ZBTB20: variants seen among roughly 807,000 people sequenced by gnomAD.
ZBTB20 encodes the protein zinc finger and BTB domain-containing protein 20.
Under a neutral mutation model 56.9 loss-of-function variants are expected in ZBTB20, and 9 were observed. The observed-to-expected ratio is 0.16, with a 90% CI of 0.10 to 0.28. The LOEUF is 0.28. Among genes scored for constraint, ZBTB20 ranks in the 10% least tolerant of loss-of-function variants. The probability of loss-of-function intolerance (pLI) is 1.00; values close to 1 mark genes in which losing one functional copy is unlikely to be tolerated. For synonymous variants in ZBTB20, 417 were observed against 420.7 expected, an observed-to-expected ratio of 0.99 and a Z score of 0.11; for missense variants, 655 against 1,003.0, an observed-to-expected ratio of 0.65 and a Z score of 4.69.
At chr3:114,765,633 T>G (rs953221340) in intron 5 of ZBTB20, among the ~76,000 whole-genome samples, 2 of 152,182 alleles carry the variant, frequency 1.3e-5, no homozygotes, top group Non-Finnish European at 1.5e-5. Flanking sequence ...TATTCTATTA[T>G]GGCAGCCCTA....
At chr3:115,001,715 AAAC>A (rs2079258609) in intron 2 of ZBTB20, among the ~76,000 whole-genome samples, 1 of 151,526 alleles carries the variant, frequency 6.6e-6, no homozygotes, top group Non-Finnish European at 1.5e-5. Flanking sequence ...ATTATGAAGA[AAAC>A]TACAAAACTC....
intron 1 of ZBTB20, among the ~76,000 whole-genome samples, chr3:115,114,517 G>A (rs566164242): frequency 1.6e-4 from 24 of 152,018 alleles, no homozygotes; most frequent in Non-Finnish European, 2.8e-4. Flanking sequence ...GAGGTGTAGC[G>A]TTTTATTTTT....
intron 3 of ZBTB20, among the ~76,000 whole-genome samples, chr3:114,957,665 T>C (rs954005573): frequency 1.3e-5 from 2 of 152,202 alleles, no homozygotes; most frequent in Non-Finnish European, 1.5e-5. Flanking sequence ...TGAATTCCAG[T>C]AGTGCTTCCT....
At chr3:114,389,779 C>A (rs1447938083) in intron 7 of ZBTB20, among the ~76,000 whole-genome samples, 1 of 149,752 alleles carries the variant, frequency 6.7e-6, no homozygotes, top group Non-Finnish European at 1.5e-5. Flanking sequence ...GTCCCAGCTA[C>A]TCAGGAGGCT....
intron 7 of ZBTB20, among the ~76,000 whole-genome samples, chr3:114,474,583 A>C (rs186246143): frequency 6.6e-6 from 1 of 152,068 alleles, no homozygotes; most frequent in African/African-American, 2.4e-5. Context: ...CGTGTCTCCA[A>C]AAGCCTAGTG....
intron 3 of ZBTB20, among the ~76,000 whole-genome samples, chr3:114,926,751 T>A (rs1039971516): frequency 5.3e-5 from 8 of 152,134 alleles, no homozygotes; most frequent in Non-Finnish European, 2.9e-5. Flanking sequence ...AGAAAAAATG[T>A]TAGTCAATAG....
chr3:114,358,995 T>C (rs1486430923), intron 10 of ZBTB20, among the ~76,000 whole-genome samples: 1 of 152,184 alleles, frequency 6.6e-6, no homozygotes, highest in East Asian at 1.9e-4. Context: ...TTAGCAACTA[T>C]GTAGGACCTC....
rs540917977 is a variant in ZBTB20, at chr3:114,817,296, A to C, written c.-416-16122T>G. Among the ~76,000 whole-genome samples, 177 of 151,888 alleles carry C rather than the reference A, an allele frequency of 1.2e-3. 1 individual carries two copies. Among genetic ancestry groups the C allele is most frequent in the Non-Finnish European group, 2.3e-3 (155 of 67,970 alleles). ...CACTTTGGGAGGCTGAGGTGGGTGG[A>C]TCACCTGAGGTCAGGAGTTTAAGAC... On this transcript the variant is annotated intron_variant, in intron 4 of 11. Transcript: ENST00000675478.
intron 6 of ZBTB20, among the ~76,000 whole-genome samples, chr3:114,596,220 C>A (rs894981625): frequency 4.6e-5 from 7 of 152,162 alleles, no homozygotes; most frequent in Admixed American, 2.6e-4. Flanking sequence ...AATATCATAA[C>A]CTAAGCAAAA....
At chr3:114,424,515 C>T (rs1254556146) in intron 7 of ZBTB20, among the ~76,000 whole-genome samples, 4 of 152,282 alleles carry the variant, frequency 2.6e-5, no homozygotes, top group Admixed American at 6.5e-5. Context: ...GAAGTGCTGA[C>T]GTTCACTGCT....
chr3:114,707,221 T>C (rs2063770761), intron 5 of ZBTB20, among the ~76,000 whole-genome samples: 1 of 152,220 alleles, frequency 6.6e-6, no homozygotes, highest in South Asian at 2.1e-4. Flanking sequence ...TCTAAATGTG[T>C]GTATATCTAT....
At chr3:114,495,759 G>A (rs2043218573) in intron 7 of ZBTB20, among the ~76,000 whole-genome samples, 1 of 152,038 alleles carries the variant, frequency 6.6e-6, no homozygotes, top group Non-Finnish European at 1.5e-5. Flanking sequence ...TCCTGAAAAT[G>A]GTGTCTGAGC....
chr3:114,414,294 C>T (rs1465604623), intron 7 of ZBTB20, among the ~76,000 whole-genome samples: 2 of 151,936 alleles, frequency 1.3e-5, no homozygotes, highest in African/African-American at 4.8e-5. Context: ...TGATGAATTC[C>T]AACAACCTCC....
intron 6 of ZBTB20, among the ~76,000 whole-genome samples, chr3:114,609,069 T>C (rs2057367065): frequency 6.6e-6 from 1 of 152,196 alleles, no homozygotes; most frequent in African/African-American, 2.4e-5. Flanking sequence ...TAAATCAGTC[T>C]ATTTCCTTAC....
At chr3:114,844,349 A>ATATATATC (rs2074547442) in intron 4 of ZBTB20, among the ~76,000 whole-genome samples, 1 of 17,160 alleles carries the variant, frequency 5.8e-5, no homozygotes, top group Admixed American at 7.4e-4. Flanking sequence ...ATATATATAT[A>ATATATATC]TATATATATA....
rs2079505866 is a variant in ZBTB20, at chr3:114,337,686, T to C, written c.*1319A>G. ...AGGCAATACTTAAAATAATAAAAAT[T>C]AAGAAAAATTAAAAAAAATATGAAG... is the stretch of plus-strand genomic sequence containing the variant. On this transcript the variant is annotated 3_prime_UTR_variant, in exon 12 of 12. Coordinates refer to ENST00000675478, the MANE Select transcript of ZBTB20 (RefSeq NM_001348800.3). 1 of 151,958 alleles carries C rather than the reference T, an allele frequency of 6.6e-6. No homozygotes were observed. The highest frequency in any genetic ancestry group is 1.5e-5 in the Non-Finnish European group (1 of 67,982). The allele number at this position is 151,958 out of a possible 1,614,324, so 9.4% of individuals were successfully genotyped here.
At chr3:114,897,497 T>C (rs1351145405) in intron 4 of ZBTB20, among the ~76,000 whole-genome samples, 1 of 152,148 alleles carries the variant, frequency 6.6e-6, no homozygotes, top group Non-Finnish European at 1.5e-5. Flanking sequence ...GCAATAATGC[T>C]CAGGAATCCT....
chr3:114,651,217 A>G (rs1326734789), intron 6 of ZBTB20, among the ~76,000 whole-genome samples: 46 of 152,082 alleles, frequency 3.0e-4, no homozygotes, highest in Admixed American at 3.0e-3. Context: ...AATATTCACT[A>G]TGAAAGAAAG....
chr3:115,004,545 C>T (rs931998592), intron 2 of ZBTB20, among the ~76,000 whole-genome samples: 1 of 151,624 alleles, frequency 6.6e-6, no homozygotes, highest in Non-Finnish European at 1.5e-5. Flanking sequence ...CAGTTTTATA[C>T]ATGTATAAAG....
Sources: allele counts gnomAD v4.1 joint callset (sites outside exome capture counted in the v4.1 genomes callset), GRCh38; gene constraint gnomAD v4.1.1; transcripts MANE v1.5; gene names NCBI Gene and HGNC (gene_info 2026-07-23, HGNC 2026-07-21).